The following EXOC6 variants were observed in gnomAD, a reference collection of about 807,000 sequenced individuals.
EXOC6 encodes SEC15-like 1.
In EXOC6, 60 loss-of-function variants were observed where a neutral mutation model predicts 112.5. The ratio of observed to expected loss-of-function variants is 0.53; its 90% CI spans 0.43 to 0.66. The LOEUF (loss-of-function observed/expected upper bound fraction) is 0.66. Among genes scored for constraint, EXOC6 ranks in the 30% least tolerant of loss-of-function variants. EXOC6 has a pLI of 0.00. For missense variants in EXOC6, 855 were observed against 957.1 expected, an observed-to-expected ratio of 0.89 and a Z score of 1.41; for synonymous variants, 295 against 308.0, an observed-to-expected ratio of 0.96 and a Z score of 0.44.
chr10:92,941,114 A>G (rs1266977610), intron 13 of EXOC6, among the ~76,000 whole-genome samples: 1 of 151,806 alleles, frequency 6.6e-6, no homozygotes, highest in Non-Finnish European at 1.5e-5. Context: ...TCTGGCAACC[A>G]CCACTCTTGC....
At chr10:92,934,047 C>T (rs1852216014) in intron 9 of EXOC6, 97 bp from the exon 10 acceptor site, 2 of 718,176 alleles carry the variant, frequency 2.8e-6, no homozygotes, top group Non-Finnish European at 4.6e-6. Context: ...AGTAGACTCT[C>T]AATAAATATT....
In EXOC6 at chr10:92,993,509, A is replaced by T. The variant is rs192471624; in HGVS notation, c.1954-3965A>T. Among the ~76,000 whole-genome samples, 319 of 152,306 alleles carry T rather than the reference A, an allele frequency of 2.1e-3. 2 individuals carry two copies. The highest frequency in any genetic ancestry group is 7.4e-3 in the African/African-American group (307 of 41,582). ...TGAAATAAGAAAATGGTAAGACACA[A>T]ATGAAAACTTCAAATGAAAATTTAA... On this transcript the variant is annotated intron_variant, in intron 18 of 21. Transcript: ENST00000260762.
At chr10:92,911,306 G>A (rs1850748843) in intron 6 of EXOC6, among the ~76,000 whole-genome samples, 1 of 151,972 alleles carries the variant, frequency 6.6e-6, no homozygotes, top group Admixed American at 6.6e-5. Flanking sequence ...CCATTATAGA[G>A]CTCCTCACCA....
At chr10:93,054,629 T>G (rs1429461968) in intron 20 of EXOC6, among the ~76,000 whole-genome samples, 1 of 152,238 alleles carries the variant, frequency 6.6e-6, no homozygotes, top group African/African-American at 2.4e-5. Context: ...GGTCTTGTGC[T>G]GTAAAAGAAT....
intron 8 of EXOC6, among the ~76,000 whole-genome samples, chr10:92,922,284 A>G (rs926465484): frequency 6.6e-6 from 1 of 152,046 alleles, no homozygotes; most frequent in Admixed American, 6.5e-5. Context: ...TCTTCCTTCT[A>G]CTTGTTATTC....
At chr10:93,028,396 A>G (rs1445128619) in intron 20 of EXOC6, among the ~76,000 whole-genome samples, 1 of 152,242 alleles carries the variant, frequency 6.6e-6, no homozygotes, top group Admixed American at 6.5e-5. Flanking sequence ...TAGCAAGGAA[A>G]CTAGAACTGG....
At chr10:92,895,645 A>G (rs1226788502) in intron 4 of EXOC6, among the ~76,000 whole-genome samples, 2 of 152,028 alleles carry the variant, frequency 1.3e-5, no homozygotes, top group African/African-American at 4.8e-5. Context: ...AGTTGGATGC[A>G]TTCTGTTCAA....
At position 92,899,924 on chromosome 10, in the gene EXOC6, C is replaced by T. The variant is rs552116233; in HGVS notation, c.458+280C>T. 2.3e-5 allele frequency: 7 copies of T among 308,226 alleles called. No homozygotes were observed. In the South Asian group the frequency reaches 4.2e-4, roughly 18 times the overall value. The allele number at this position is 308,226 out of a possible 1,614,324, so 19.1% of individuals were successfully genotyped here. ...AAATATTGATTAGCTTACCAACATA[C>T]TAATATTGCATGTAACTAAGGGCTA... is the stretch of plus-strand genomic sequence containing the variant. On this transcript the variant is annotated intron_variant, in intron 5 of 21. Coordinates refer to ENST00000260762, the MANE Select transcript of EXOC6 (RefSeq NM_019053.6).
At chr10:92,970,833 G>C (rs1014783252) in intron 17 of EXOC6, among the ~76,000 whole-genome samples, 1 of 152,212 alleles carries the variant, frequency 6.6e-6, no homozygotes, top group African/African-American at 2.4e-5. Context: ...CCATGGCAGT[G>C]AGTAGTAAGT....
chr10:92,829,042 G>A (rs899189518), intron 1 of EXOC6, among the ~76,000 whole-genome samples: 9 of 152,150 alleles, frequency 5.9e-5, no homozygotes, highest in African/African-American at 1.9e-4. Flanking sequence ...CTAGAAGCTT[G>A]CGCGGGTAGA....
chr10:93,053,923 C>T (rs1035993206), intron 20 of EXOC6, among the ~76,000 whole-genome samples: 3 of 152,226 alleles, frequency 2.0e-5, no homozygotes, highest in African/African-American at 7.2e-5. Flanking sequence ...TCTTTGCTCT[C>T]TGCCCATGTC....
chr10:92,856,006 AG>A (rs1847583875), intron 1 of EXOC6, among the ~76,000 whole-genome samples: 1 of 152,132 alleles, frequency 6.6e-6, no homozygotes. Context: ...CTGGGATTAC[AG>A]GCACATGCCA....
At chr10:92,991,681 A>G (rs548577024) in intron 18 of EXOC6, among the ~76,000 whole-genome samples, 1 of 152,110 alleles carries the variant, frequency 6.6e-6, no homozygotes, top group African/African-American at 2.4e-5. Flanking sequence ...TGGTTTTCCC[A>G]GTTCAGGAAA....
intron 19 of EXOC6, chr10:92,999,207 T>C (rs1222270940): frequency 2.4e-6 from 1 of 415,320 alleles, no homozygotes; most frequent in Admixed American, 3.1e-5. Context: ...GAAACACTTT[T>C]TTTTTTTTTT....
At chr10:92,934,638 T>C (rs892625931) in intron 11 of EXOC6, among the ~76,000 whole-genome samples, 9 of 152,128 alleles carry the variant, frequency 5.9e-5, no homozygotes, top group Non-Finnish European at 1.3e-4. Flanking sequence ...ACACCTTTAT[T>C]CTAGCATTAT....
chr10:92,859,821 ATGTGTGTGTGTGTGTG>A (rs10617958), intron 1 of EXOC6, among the ~76,000 whole-genome samples: 68 of 141,700 alleles, frequency 4.8e-4, no homozygotes, highest in Non-Finnish European at 4.2e-4. Context: ...GTTTGTGTGC[ATGTGTGTGTGTGTGTG>A]TGTGTGTGTG....
intron 1 of EXOC6, among the ~76,000 whole-genome samples, chr10:92,840,180 AAC>A (rs1436002548): frequency 6.6e-6 from 1 of 152,116 alleles, no homozygotes; most frequent in African/African-American, 2.4e-5. Flanking sequence ...GACATACTAA[AAC>A]AAAAAATAAG....
At chr10:93,044,617 A>G (rs1166085600) in intron 20 of EXOC6, among the ~76,000 whole-genome samples, 1 of 152,186 alleles carries the variant, frequency 6.6e-6, no homozygotes, top group Non-Finnish European at 1.5e-5. Context: ...CCTTATCTCT[A>G]TAAAGCATAA....
chr10:92,899,803 G>T lies in EXOC6; in HGVS notation c.458+159G>T, dbSNP rs575239339. 8 of 494,808 alleles carry T rather than the reference G, an allele frequency of 1.6e-5. No homozygotes were observed. The Admixed American group carries it at 2.3e-4, about 14-fold the overall frequency. 30.7% of individuals were successfully genotyped at this position (494,808 alleles called of 1,614,324 possible). A position where few individuals can be genotyped will look rare whatever the true frequency, so the allele number is the denominator to read the frequency against. On this transcript the variant is annotated intron_variant, in intron 5 of 21. Transcript: ENST00000260762. ...TTGCGCATCAGGATAATCCACTAAA[G>T]CAAATCTTAGCCTTTTATTAATAAA...
Sources: gnomAD v4.1 joint callset for allele counts (sites outside exome capture counted in the v4.1 genomes callset) on GRCh38, gnomAD v4.1.1 for gene constraint, MANE v1.5 for transcripts, NCBI Gene and HGNC (gene_info 2026-07-23, HGNC 2026-07-21) for gene names.